LMTK2: variants seen among roughly 807,000 people sequenced by gnomAD.
LMTK2 encodes lemur tail kinase 2.
Under a neutral mutation model 127.5 loss-of-function variants are expected in LMTK2, and 37 were observed. The observed-to-expected ratio is 0.29, with a 90% CI of 0.22 to 0.38. The LOEUF is 0.38. LMTK2 is among the 10% of genes least tolerant of loss of function. The pLI is 1.00. For synonymous variants in LMTK2, 819 were observed against 810.1 expected (o/e 1.01, Z -0.19); for missense variants, 1,694 against 1,920.3 (o/e 0.88, Z 2.20).
chr7:98,116,390 C>CTGTGTG (rs34663305), intron 1 of LMTK2, among the ~76,000 whole-genome samples: 4 of 150,328 alleles, frequency 2.7e-5, no homozygotes, highest in African/African-American at 9.8e-5. Context: ...CAGTGTGTGT[C>CTGTGTG]TGTGTGTGTG....
intron 1 of LMTK2, among the ~76,000 whole-genome samples, chr7:98,131,024 C>T (rs2116347790): frequency 6.6e-6 from 1 of 152,224 alleles, no homozygotes; most frequent in South Asian, 2.1e-4. Flanking sequence ...TAATGAATTC[C>T]CACACAGCTT....
At chr7:98,169,880 C>T (rs912404929) in intron 6 of LMTK2, among the ~76,000 whole-genome samples, 2 of 152,156 alleles carry the variant, frequency 1.3e-5, no homozygotes, top group African/African-American at 4.8e-5. Context: ...GAAGGCACCA[C>T]GTTTGGAAGG....
intron 2 of LMTK2, 33 bp from the exon 3 acceptor site, chr7:98,141,364 A>G (rs573334533): frequency 2.5e-6 from 4 of 1,598,462 alleles, no homozygotes; most frequent in Admixed American, 3.4e-5. Flanking sequence ...ATGTTAGCCA[A>G]TGGTTTTTAA....
chr7:98,157,641 A>T (rs1441121635), intron 5 of LMTK2, among the ~76,000 whole-genome samples: 1 of 45,260 alleles, frequency 2.2e-5, no homozygotes, highest in South Asian at 1.5e-3. Context: ...CTCCCACATT[A>T]AAAAAAAAAA....
intron 1 of LMTK2, among the ~76,000 whole-genome samples, chr7:98,125,532 C>T (rs1357288099): frequency 6.6e-6 from 1 of 152,132 alleles, no homozygotes; most frequent in Non-Finnish European, 1.5e-5. Flanking sequence ...GCCTGGTGAA[C>T]TTCACAGTAG....
intron 1 of LMTK2, among the ~76,000 whole-genome samples, chr7:98,114,352 A>G (rs1796247296): frequency 6.7e-6 from 1 of 149,612 alleles, no homozygotes; most frequent in Non-Finnish European, 1.5e-5. Flanking sequence ...CGATCCTCCC[A>G]CCTCAGCCTC....
intron 9 of LMTK2, 107 bp downstream of exon 9, chr7:98,187,105 A>T (rs1454993755): frequency 8.4e-5 from 85 of 1,012,410 alleles, no homozygotes; most frequent in Non-Finnish European, 1.2e-4. Context: ...ATGTAGGAAC[A>T]AAAGAGTATC....
Position 98,153,459 on chromosome 7 carries a change from C to T in LMTK2, c.451-1299C>T, listed in dbSNP as rs116862434. ...GGATTCAGCAGCATAAGTTCCTTGG[C>T]GTCCTTGAAAGAAGTTGTTCAGGGG... On this transcript the variant is annotated intron_variant, in intron 4 of 13. Transcript: ENST00000297293. 9.9e-5 allele frequency among the ~76,000 whole-genome samples: 15 copies of T among 152,252 alleles called. No individual in the cohort carries two copies. In the East Asian group the frequency reaches 2.5e-3, roughly 25 times the overall value.
chr7:98,123,308 C>A (rs531922490), intron 1 of LMTK2, among the ~76,000 whole-genome samples: 1 of 152,326 alleles, frequency 6.6e-6, no homozygotes, highest in South Asian at 2.1e-4. Flanking sequence ...AATCAGCATT[C>A]ATTATTTACA....
At chr7:98,153,677 A>G (rs1276074385) in intron 4 of LMTK2, among the ~76,000 whole-genome samples, 1 of 152,148 alleles carries the variant, frequency 6.6e-6, no homozygotes, top group African/African-American at 2.4e-5. Flanking sequence ...GTTTGAGACC[A>G]GCCTGGGCAA....
At chr7:98,137,995 G>T (rs1029496031) in intron 2 of LMTK2, among the ~76,000 whole-genome samples, 1 of 152,182 alleles carries the variant, frequency 6.6e-6, no homozygotes, top group African/African-American at 2.4e-5. Context: ...CCCTAACAGG[G>T]AGGAGGAGGC....
At position 98,107,213 on chromosome 7, in the gene LMTK2, G is replaced by T; in HGVS notation, c.36G>T (p.Leu12=). 2.0e-6 allele frequency: 3 copies of T among 1,463,686 alleles called. 1 individual carries two copies. The South Asian group carries it at 3.9e-5, about 19-fold the overall frequency. 90.7% of individuals were successfully genotyped at this position (1,463,686 alleles called of 1,614,324 possible). A position where few individuals can be genotyped will look rare whatever the true frequency, so the allele number is the denominator to read the frequency against. Residue 12 remains leucine (L), a synonymous_variant, in exon 1 of 14, where the codon CTG becomes CTT. Coordinates refer to ENST00000297293, the MANE Select transcript of LMTK2 (RefSeq NM_014916.4). ...CGCCGGCGTTGCGGCGGAGGCTGCT[G>T]CTGCTGCTGCTGGTCCTCCTGATCG... is the stretch of plus-strand genomic sequence containing the variant. ...PGPPALRRRL[L]LLLLVLLIAG...
Position 98,107,044 on chromosome 7 carries a change from G to A in LMTK2, c.-134G>A. The A allele has an allele frequency of 1.7e-6, 1 of 598,302 alleles. No homozygotes were observed. The highest frequency in any genetic ancestry group is 2.6e-6 in the Non-Finnish European group (1 of 379,218). The allele number at this position is 598,302 out of a possible 1,614,324, so 37.1% of individuals were successfully genotyped here. A position where few individuals can be genotyped will look rare whatever the true frequency, so the allele number is the denominator to read the frequency against. On this transcript the variant is annotated 5_prime_UTR_variant, in exon 1 of 14. Transcript: ENST00000297293. ...GGAGCCGGACCGAGGTTTGGCAGAA[G>A]CAACGTGTGCTCGGGAGCAACCGGC...
At chr7:98,198,459 G>A (rs1434169513) in intron 11 of LMTK2, among the ~76,000 whole-genome samples, 3 of 152,108 alleles carry the variant, frequency 2.0e-5, no homozygotes, top group African/African-American at 7.2e-5. Context: ...AGAGTGCTGG[G>A]ATTACAGGCC....
intron 2 of LMTK2, among the ~76,000 whole-genome samples, 197 bp from the exon 3 acceptor site, chr7:98,141,199 AT>A (rs1174822239): frequency 6.6e-6 from 1 of 151,994 alleles, no homozygotes; most frequent in Non-Finnish European, 1.5e-5. Context: ...CTTACATGAA[AT>A]ATGTATAATT....
chr7:98,194,686 G>A lies in LMTK2; in HGVS notation c.4107+114G>A, dbSNP rs1797599749. On this transcript the variant is annotated intron_variant, in intron 11 of 13. Transcript: ENST00000297293. The surrounding 1 kb of genome is among the most constrained non-coding windows in gnomAD (Gnocchi z 5.4). ...TTGCCATTTTGAGGCAGCAGATTGT[G>A]ATTACTCACAAAAAGTAATTTGGGG... The A allele has an allele frequency of 2.1e-6, 2 of 964,566 alleles. No homozygotes were observed. The highest frequency in any genetic ancestry group is 1.7e-5 in the South Asian group (1 of 58,116). 59.8% of individuals were successfully genotyped at this position (964,566 alleles called of 1,614,324 possible). A position where few individuals can be genotyped will look rare whatever the true frequency, so the allele number is the denominator to read the frequency against.
chr7:98,197,743 G>A (rs1036128320), intron 11 of LMTK2, among the ~76,000 whole-genome samples: 1 of 152,212 alleles, frequency 6.6e-6, no homozygotes, highest in African/African-American at 2.4e-5. Context: ...TCAGGAGGCT[G>A]AGGCAGGAGG....
chr7:98,145,121 GT>G (rs1796752718), intron 3 of LMTK2, among the ~76,000 whole-genome samples: 1 of 152,104 alleles, frequency 6.6e-6, no homozygotes, highest in Non-Finnish European at 1.5e-5. Context: ...CTTCCTGCCA[GT>G]TGGGTATCTA....
At chr7:98,137,236 G>A in intron 1 of LMTK2, 79 bp from the exon 2 acceptor site, 1 of 1,372,694 alleles carries the variant, frequency 7.3e-7, no homozygotes, top group Non-Finnish European at 1.0e-6. Flanking sequence ...TTTGTATGTA[G>A]AGGAAAATAT....
Sources: gnomAD v4.1 joint callset for allele counts (sites outside exome capture counted in the v4.1 genomes callset) on GRCh38, gnomAD v4.1.1 for gene constraint, Gnocchi (gnomAD v3.1) non-coding constraint, MANE v1.5 for transcripts, NCBI Gene and HGNC (gene_info 2026-07-23, HGNC 2026-07-21) for gene names.